The following PAK3 variants were observed in gnomAD, a reference collection of about 807,000 sequenced individuals.
PAK3 encodes serine/threonine-protein kinase PAK 3.
Under a neutral mutation model 41.0 loss-of-function variants are expected in PAK3, and 4 were observed. The ratio of observed to expected loss-of-function variants is 0.10; its 90% CI spans 0.05 to 0.22. The LOEUF (loss-of-function observed/expected upper bound fraction) is 0.22. Among genes scored for constraint, PAK3 ranks in the 10% least tolerant of loss-of-function variants. The probability of loss-of-function intolerance (pLI) is 1.00; values close to 1 mark genes in which losing one functional copy is unlikely to be tolerated. For synonymous variants in PAK3, 146 were observed against 139.6 expected, an observed-to-expected ratio of 1.05 and a Z score of -0.32; for missense variants, 205 against 409.9, an observed-to-expected ratio of 0.50 and a Z score of 4.32.
chrX:110,946,900 T>A (rs1411575425), intron 1 of PAK3, among the ~76,000 whole-genome samples: 1 of 112,588 alleles, frequency 8.9e-6, no homozygotes, highest in Non-Finnish European at 1.9e-5. Context: ...GTTTCACTGG[T>A]AATTAACAAT....
intron 1 of PAK3, among the ~76,000 whole-genome samples, chrX:110,965,848 A>G (rs901285468): frequency 8.9e-6 from 1 of 112,134 alleles, no homozygotes; most frequent in Non-Finnish European, 1.9e-5. Context: ...AGGGACTTGT[A>G]TTATCCCCAT....
intron 1 of PAK3, among the ~76,000 whole-genome samples, chrX:111,035,331 T>C (rs1434299653): frequency 2.7e-5 from 3 of 111,495 alleles, no homozygotes; most frequent in Non-Finnish European, 5.6e-5. Context: ...CTTGTTTCAA[T>C]TCTGCACTCT....
At chrX:110,961,207 T>C (rs748102963) in intron 1 of PAK3, among the ~76,000 whole-genome samples, 12 of 111,520 alleles carry the variant, frequency 1.1e-4, no homozygotes, top group Non-Finnish European at 2.3e-4. Flanking sequence ...AGCAACCAGA[T>C]TGAGAACCTG....
At chrX:111,210,621 AT>A (rs768316689) in intron 16 of PAK3, among the ~76,000 whole-genome samples, 1 of 112,063 alleles carries the variant, frequency 8.9e-6, no homozygotes, top group Admixed American at 9.5e-5. Context: ...AAATTTAAAC[AT>A]TTTGGCTATT....
At chrX:111,078,201 A>G (rs1354045489) in intron 1 of PAK3, among the ~76,000 whole-genome samples, 2 of 110,470 alleles carry the variant, frequency 1.8e-5, no homozygotes, top group Non-Finnish European at 3.8e-5. Flanking sequence ...TATGTAAGGC[A>G]CACCTTCTTT....
chrX:110,997,444 G>C (rs1225318879), intron 1 of PAK3, among the ~76,000 whole-genome samples: 3 of 111,391 alleles, frequency 2.7e-5, no homozygotes, highest in Non-Finnish European at 5.7e-5. Context: ...GATAGAAATG[G>C]CAATGATATG....
chrX:111,116,741 C>A (rs1053462169), intron 4 of PAK3, among the ~76,000 whole-genome samples: 1 of 111,965 alleles, frequency 8.9e-6, no homozygotes, highest in Non-Finnish European at 1.9e-5. Context: ...GCAGAACTGA[C>A]CTCATTTGCT....
At chrX:111,049,000 A>G (rs2092528891) in intron 1 of PAK3, among the ~76,000 whole-genome samples, 2 of 111,758 alleles carry the variant, frequency 1.8e-5, no homozygotes, top group African/African-American at 6.5e-5. Flanking sequence ...GGATTTGGCC[A>G]CTGCATGTCT....
At chrX:111,082,078 A>G (rs1401835135) in intron 1 of PAK3, among the ~76,000 whole-genome samples, 1 of 112,494 alleles carries the variant, frequency 8.9e-6, no homozygotes, top group Non-Finnish European at 1.9e-5. Context: ...ATAAAATTAA[A>G]AAAAATGAAA....
At chrX:110,982,344 G>A (rs1483678434) in intron 1 of PAK3, among the ~76,000 whole-genome samples, 1 of 112,206 alleles carries the variant, frequency 8.9e-6, no homozygotes, top group Non-Finnish European at 1.9e-5. Flanking sequence ...CTAGCTCTGT[G>A]ACGCTGAACA....
At chrX:111,198,224 A>T in intron 16 of PAK3, among the ~76,000 whole-genome samples, 1 of 112,285 alleles carries the variant, frequency 8.9e-6, no homozygotes, top group Non-Finnish European at 1.9e-5. Context: ...GCTGGATATT[A>T]GATCTTCGTC....
intron 1 of PAK3, among the ~76,000 whole-genome samples, chrX:110,969,344 C>T (rs928532001): frequency 4.9e-5 from 5 of 103,084 alleles, no homozygotes; most frequent in South Asian, 4.7e-4. Context: ...AGTGCAATGG[C>T]GCGATCTCAG....
chrX:111,088,974 T>G (rs187452458), intron 1 of PAK3, among the ~76,000 whole-genome samples: 15 of 111,980 alleles, frequency 1.3e-4, no homozygotes, highest in Middle Eastern at 4.6e-3. Flanking sequence ...CAGGTTTTGG[T>G]CCTTTTCAGA....
At chrX:111,111,443 A>G (rs1407565397) in intron 4 of PAK3, among the ~76,000 whole-genome samples, 2 of 111,965 alleles carry the variant, frequency 1.8e-5, no homozygotes, top group East Asian at 5.6e-4. Context: ...TAGTCTTGAT[A>G]GTATTATTAT....
intron 1 of PAK3, among the ~76,000 whole-genome samples, chrX:111,090,891 A>T (rs1019981015): frequency 1.8e-5 from 2 of 112,323 alleles, no homozygotes; most frequent in Non-Finnish European, 3.8e-5. Context: ...GAGCAATGAA[A>T]CCAACTTTCC....
chrX:111,108,625 T>A (rs1326814559), intron 4 of PAK3, among the ~76,000 whole-genome samples: 2 of 112,616 alleles, frequency 1.8e-5, no homozygotes, highest in Non-Finnish European at 3.7e-5. Flanking sequence ...TGATCTGAGA[T>A]GGAACAGTTT....
At chrX:111,032,757 T>G (rs1220681162) in intron 1 of PAK3, among the ~76,000 whole-genome samples, 1 of 110,665 alleles carries the variant, frequency 9.0e-6, no homozygotes, top group Non-Finnish European at 1.9e-5. Context: ...GAAGATTGGC[T>G]CGATTGTCAA....
intron 17 of PAK3, among the ~76,000 whole-genome samples, chrX:111,219,893 A>G (rs2094913393): frequency 9.0e-6 from 1 of 111,448 alleles, no homozygotes; most frequent in African/African-American, 3.3e-5. Flanking sequence ...AAAATAAATT[A>G]AAAAAATTCA....
intron 1 of PAK3, among the ~76,000 whole-genome samples, chrX:111,018,527 T>C (rs922661739): frequency 9.9e-5 from 11 of 111,286 alleles, no homozygotes; most frequent in African/African-American, 3.6e-4. Context: ...AGGAATAAAC[T>C]TAACCAAGGA....
Sources: allele counts gnomAD v4.1 joint callset (sites outside exome capture counted in the v4.1 genomes callset), GRCh38; gene constraint gnomAD v4.1.1; transcripts MANE v1.5; gene names NCBI Gene and HGNC (gene_info 2026-07-23, HGNC 2026-07-21).